XIRP2: variants seen among roughly 807,000 people sequenced by gnomAD.
The protein encoded by XIRP2 is xin actin-binding repeat-containing protein 2.
Under a neutral mutation model 277.0 loss-of-function variants are expected in XIRP2, and 236 were observed. The ratio of observed to expected loss-of-function variants is 0.85; its 90% CI spans 0.77 to 0.95. The LOEUF is 0.95. XIRP2 is among the 40% of genes least tolerant of loss of function. The probability of loss-of-function intolerance (pLI) is 0.00; values close to 1 mark genes in which losing one functional copy is unlikely to be tolerated. For missense variants in XIRP2, 4,640 were observed against 4,157.5 expected (o/e 1.12, Z -3.19); for synonymous variants, 1,490 against 1,416.5 (o/e 1.05, Z -1.17).
intron 2 of XIRP2, among the ~76,000 whole-genome samples, chr2:167,051,384 C>A (rs1468162604): frequency 6.6e-6 from 1 of 151,948 alleles, no homozygotes. Flanking sequence ...ATAAAAGTAA[C>A]TTAAATAATA....
chr2:166,918,021 T>C (rs1173207869), intron 2 of XIRP2, among the ~76,000 whole-genome samples: 1 of 152,204 alleles, frequency 6.6e-6, no homozygotes, highest in Admixed American at 6.5e-5. Context: ...TCTGATGTTT[T>C]TTCATGGTTA....
At chr2:166,950,258 T>G (rs1685992191) in intron 2 of XIRP2, among the ~76,000 whole-genome samples, 2 of 152,086 alleles carry the variant, frequency 1.3e-5, no homozygotes, top group Admixed American at 1.3e-4. Flanking sequence ...GTGCCCTCCC[T>G]GGTTGTTTTG....
At chr2:167,257,182 C>A (rs1430743277) in intron 10 of XIRP2, among the ~76,000 whole-genome samples, 1 of 151,888 alleles carries the variant, frequency 6.6e-6, no homozygotes, top group Non-Finnish European at 1.5e-5. Flanking sequence ...ACAGATGAGA[C>A]CATCATGCTG....
At chr2:166,982,026 G>C (rs1686882434) in intron 2 of XIRP2, among the ~76,000 whole-genome samples, 1 of 152,010 alleles carries the variant, frequency 6.6e-6, no homozygotes, top group Admixed American at 6.6e-5. Context: ...TTTCAGTGTA[G>C]ATCTGCTAGG....
intron 3 of XIRP2, among the ~76,000 whole-genome samples, chr2:167,171,481 A>G (rs576240456): frequency 6.6e-6 from 1 of 152,292 alleles, no homozygotes; most frequent in African/African-American, 2.4e-5. Context: ...TGCTATATAT[A>G]TAGATGGTTT....
chr2:167,190,259 G>A (rs1366724848), intron 3 of XIRP2, among the ~76,000 whole-genome samples: 1 of 152,064 alleles, frequency 6.6e-6, no homozygotes, highest in Non-Finnish European at 1.5e-5. Flanking sequence ...ATTGCTGATT[G>A]AACTCAATCT....
At chr2:167,202,834 A>G (rs1393853369) in intron 3 of XIRP2, among the ~76,000 whole-genome samples, 1 of 152,198 alleles carries the variant, frequency 6.6e-6, no homozygotes, top group Non-Finnish European at 1.5e-5. Flanking sequence ...CACTGAGAAA[A>G]AAGTAAGGTG....
At chr2:167,077,778 G>A (rs1237893321) in intron 2 of XIRP2, among the ~76,000 whole-genome samples, 3 of 152,216 alleles carry the variant, frequency 2.0e-5, no homozygotes, top group Non-Finnish European at 2.9e-5. Context: ...TTTACCCAGA[G>A]TGACAAGGGA....
chr2:167,108,371 G>T (rs1033051094), intron 2 of XIRP2, among the ~76,000 whole-genome samples: 4 of 151,470 alleles, frequency 2.6e-5, no homozygotes, highest in African/African-American at 9.7e-5. Flanking sequence ...CCTTCCATTT[G>T]TGCTGGATTT....
At chr2:167,220,737 C>T (rs1054085693) in intron 5 of XIRP2, among the ~76,000 whole-genome samples, 1 of 152,164 alleles carries the variant, frequency 6.6e-6, no homozygotes, top group Non-Finnish European at 1.5e-5. Context: ...CAAGAGGATG[C>T]TGATTGGCTT....
intron 2 of XIRP2, among the ~76,000 whole-genome samples, chr2:167,098,002 T>C (rs1193754950): frequency 1.3e-5 from 2 of 152,188 alleles, no homozygotes; most frequent in Non-Finnish European, 2.9e-5. Context: ...ATTTCAACCT[T>C]CGTGAATCTG....
At chr2:167,215,918 A>G (rs1439315238) in intron 4 of XIRP2, among the ~76,000 whole-genome samples, 3 of 152,162 alleles carry the variant, frequency 2.0e-5, no homozygotes, top group Non-Finnish European at 4.4e-5. Flanking sequence ...ATTGCTTCCA[A>G]TGATACCTAT....
intron 2 of XIRP2, among the ~76,000 whole-genome samples, chr2:167,087,657 T>C (rs1344661895): frequency 6.6e-6 from 1 of 152,262 alleles, no homozygotes; most frequent in Admixed American, 6.5e-5. Flanking sequence ...TGCCGTTTTT[T>C]AAGCCGGTCG....
chr2:166,914,543 T>A (rs1022546948), intron 2 of XIRP2, among the ~76,000 whole-genome samples: 1 of 152,082 alleles, frequency 6.6e-6, no homozygotes, highest in Non-Finnish European at 1.5e-5. Context: ...GATTTCACCA[T>A]GTTAGCCAGG....
chr2:167,208,510 G>A (rs1397355105), intron 3 of XIRP2, among the ~76,000 whole-genome samples: 2 of 152,002 alleles, frequency 1.3e-5, no homozygotes, highest in African/African-American at 4.8e-5. Flanking sequence ...GGGTTTCACC[G>A]TGTTAGCCAG....
At chr2:167,166,187 T>C (rs1198971940) in intron 3 of XIRP2, among the ~76,000 whole-genome samples, 2 of 152,206 alleles carry the variant, frequency 1.3e-5, no homozygotes, top group Non-Finnish European at 2.9e-5. Flanking sequence ...ATATTTTAAA[T>C]ATCTTGAGGT....
At chr2:166,942,228 C>T (rs1025609905) in intron 2 of XIRP2, among the ~76,000 whole-genome samples, 4 of 152,202 alleles carry the variant, frequency 2.6e-5, no homozygotes, top group Admixed American at 6.5e-5. Flanking sequence ...CTACATGTAA[C>T]TACCCTGACT....
At chr2:167,163,418 G>T (rs1692426833) in intron 3 of XIRP2, among the ~76,000 whole-genome samples, 1 of 152,132 alleles carries the variant, frequency 6.6e-6, no homozygotes. Flanking sequence ...GATGACTGAT[G>T]ATATTGAACA....
chr2:167,095,669 T>C (rs1690289947), intron 2 of XIRP2, among the ~76,000 whole-genome samples: 2 of 152,060 alleles, frequency 1.3e-5, no homozygotes, highest in South Asian at 4.2e-4. Context: ...GAAGCCAACT[T>C]AATCATGGTG....
Sources: allele counts gnomAD v4.1 joint callset (sites outside exome capture counted in the v4.1 genomes callset), GRCh38; gene constraint gnomAD v4.1.1; transcripts MANE v1.5; gene names NCBI Gene and HGNC (gene_info 2026-07-23, HGNC 2026-07-21).